The following LRP1B variants were observed in gnomAD, a reference collection of about 807,000 sequenced individuals.
LRP1B encodes low-density lipoprotein receptor-related protein 1B.
Under a neutral mutation model 556.6 loss-of-function variants are expected in LRP1B, and 217 were observed. The observed-to-expected ratio is 0.39, with a 90% CI of 0.35 to 0.44. The LOEUF is 0.44. Ranked by LOEUF, LRP1B falls within the 20% of genes least tolerant of loss-of-function variation. LRP1B has a pLI of 1.00. For missense variants in LRP1B, 5,053 were observed against 5,620.8 expected, an observed-to-expected ratio of 0.90 and a Z score of 3.23; for synonymous variants, 2,047 against 1,865.8, an observed-to-expected ratio of 1.10 and a Z score of -2.50.
intron 7 of LRP1B, among the ~76,000 whole-genome samples, chr2:141,169,332 AAATAAAG>A (rs978016467): frequency 4.3e-5 from 6 of 141,114 alleles, no homozygotes; most frequent in African/African-American, 1.8e-4. Context: ...ATAAATAAAT[AAATAAAG>A]AAGAGATGGG....
At chr2:141,187,894 T>C (rs1681327589) in intron 7 of LRP1B, among the ~76,000 whole-genome samples, 1 of 151,844 alleles carries the variant, frequency 6.6e-6, no homozygotes, top group South Asian at 2.1e-4. Context: ...AACACCATAA[T>C]AATATTTGGG....
chr2:141,975,188 G>T (rs1701851333), intron 1 of LRP1B, among the ~76,000 whole-genome samples: 1 of 151,980 alleles, frequency 6.6e-6, no homozygotes, highest in African/African-American at 2.4e-5. Context: ...TGTTGTGTCT[G>T]ATACTGGTAA....
intron 2 of LRP1B, among the ~76,000 whole-genome samples, chr2:141,791,046 G>A (rs1393173962): frequency 2.0e-5 from 3 of 151,700 alleles, no homozygotes; most frequent in Non-Finnish European, 2.9e-5. Flanking sequence ...GTGAAGTTCT[G>A]TTTTTTTAAA....
chr2:140,948,503 A>G (rs532426201), intron 20 of LRP1B, among the ~76,000 whole-genome samples: 2 of 152,356 alleles, frequency 1.3e-5, no homozygotes, highest in South Asian at 2.1e-4. Context: ...AAGAGAGAAG[A>G]GTGAGGTCTT....
chr2:141,857,367 G>T (rs943177470), intron 1 of LRP1B, among the ~76,000 whole-genome samples: 4 of 151,596 alleles, frequency 2.6e-5, no homozygotes, highest in African/African-American at 9.7e-5. Context: ...TTGAGACAGG[G>T]TCTTGCTCTG....
intron 2 of LRP1B, among the ~76,000 whole-genome samples, chr2:141,506,003 C>G (rs1448092955): frequency 6.6e-6 from 1 of 151,998 alleles, no homozygotes; most frequent in South Asian, 2.1e-4. Context: ...AAGACTGCCT[C>G]GTAACCCAGC....
chr2:141,517,095 A>G (rs1684347937), intron 2 of LRP1B, among the ~76,000 whole-genome samples: 1 of 150,858 alleles, frequency 6.6e-6, no homozygotes. Context: ...TCTTTCTCCA[A>G]CCTTGTATGG....
intron 32 of LRP1B, 131 bp from the exon 33 acceptor site, chr2:140,776,369 G>A (rs965463363): frequency 7.3e-6 from 4 of 548,262 alleles, no homozygotes; most frequent in African/African-American, 6.0e-5. Context: ...AAGGGAAACA[G>A]TAAAATCACT....
At chr2:141,596,923 T>C (rs932856687) in intron 2 of LRP1B, among the ~76,000 whole-genome samples, 5 of 152,014 alleles carry the variant, frequency 3.3e-5, no homozygotes, top group Admixed American at 6.6e-5. Context: ...GGTTATTTTA[T>C]GAACATTACC....
intron 15 of LRP1B, among the ~76,000 whole-genome samples, chr2:141,002,506 T>C (rs1373065668): frequency 6.6e-6 from 1 of 152,058 alleles, no homozygotes. Flanking sequence ...TATAAAATAG[T>C]GCAGTATTTG....
chr2:142,058,780 C>G (rs1274331889), intron 1 of LRP1B, among the ~76,000 whole-genome samples: 1 of 151,988 alleles, frequency 6.6e-6, no homozygotes, highest in East Asian at 1.9e-4. Flanking sequence ...ATACCTCAAA[C>G]CTTTAATTCT....
At chr2:141,158,857 A>G (rs1702131935) in intron 7 of LRP1B, among the ~76,000 whole-genome samples, 1 of 152,180 alleles carries the variant, frequency 6.6e-6, no homozygotes, top group Admixed American at 6.6e-5. Context: ...AACAAAATCA[A>G]GACCTAAATT....
intron 2 of LRP1B, among the ~76,000 whole-genome samples, chr2:141,719,053 T>TC (rs796803849): frequency 4.6e-5 from 7 of 151,956 alleles, no homozygotes; most frequent in Admixed American, 4.6e-4. Context: ...ATTCTGACTT[T>TC]CCCCCCCACC....
At chr2:141,942,190 C>A (rs917794793) in intron 1 of LRP1B, among the ~76,000 whole-genome samples, 1 of 152,040 alleles carries the variant, frequency 6.6e-6, no homozygotes, top group African/African-American at 2.4e-5. Flanking sequence ...CCTCAACCAA[C>A]CTCCTCACTC....
At chr2:140,594,359 T>C (rs1682350961) in intron 43 of LRP1B, among the ~76,000 whole-genome samples, 1 of 152,214 alleles carries the variant, frequency 6.6e-6, no homozygotes, top group Admixed American at 6.5e-5. Flanking sequence ...AGAATATTCA[T>C]AATGTTCACG....
At chr2:141,569,037 G>T (rs966213658) in intron 2 of LRP1B, among the ~76,000 whole-genome samples, 1 of 150,700 alleles carries the variant, frequency 6.6e-6, no homozygotes, top group Admixed American at 6.6e-5. Context: ...CAGAATTCTG[G>T]GATTATAGGT....
intron 77 of LRP1B, among the ~76,000 whole-genome samples, chr2:140,337,468 C>T (rs1338189079): frequency 2.0e-5 from 3 of 151,774 alleles, no homozygotes; most frequent in Non-Finnish European, 4.4e-5. Flanking sequence ...TCAAATGCTC[C>T]AGTATCATTT....
chr2:141,754,832 T>A (rs1431908081), intron 2 of LRP1B, among the ~76,000 whole-genome samples: 3 of 152,154 alleles, frequency 2.0e-5, no homozygotes, highest in Non-Finnish European at 2.9e-5. Context: ...AAATCATATA[T>A]CTTGACAGAT....
At chr2:141,370,961 A>G (rs2683836) in intron 3 of LRP1B, among the ~76,000 whole-genome samples, 113,771 of 152,032 alleles carry the variant, frequency 0.75, 43,654 homozygotes, top group African/African-American at 0.88. Context: ...CTTTGATTAT[A>G]TGGCTGTATT....
Sources: allele counts gnomAD v4.1 joint callset (sites outside exome capture counted in the v4.1 genomes callset), GRCh38; gene constraint gnomAD v4.1.1; transcripts MANE v1.5; gene names NCBI Gene and HGNC (gene_info 2026-07-23, HGNC 2026-07-21).